The following AWAT2 variants were observed in gnomAD, a reference collection of about 807,000 sequenced individuals.
AWAT2 encodes the protein acyl-CoA wax alcohol acyltransferase 2, also known as 11-cis-RE-synthase.
AWAT2 carries 9 observed loss-of-function variants against 22.3 expected under a neutral mutation model. The ratio of observed to expected loss-of-function variants is 0.40; its 90% CI spans 0.24 to 0.70. The LOEUF is 0.70. Among genes scored for constraint, AWAT2 ranks in the 30% least tolerant of loss-of-function variants. AWAT2 has a pLI of 0.36. For missense variants in AWAT2, 217 were observed against 265.9 expected, an observed-to-expected ratio of 0.82 and a Z score of 1.28; for synonymous variants, 100 against 93.4, an observed-to-expected ratio of 1.07 and a Z score of -0.40.
chrX:70,048,773 T>G (rs2020380001), intron 1 of AWAT2, among the ~76,000 whole-genome samples: 1 of 111,850 alleles, frequency 8.9e-6, no homozygotes, highest in South Asian at 3.8e-4. Context: ...TTCCCTCCCA[T>G]GCTGTGGTAA....
intron 1 of AWAT2, among the ~76,000 whole-genome samples, chrX:70,048,023 C>A (rs969574551): frequency 9.3e-6 from 1 of 107,306 alleles, no homozygotes; most frequent in African/African-American, 3.4e-5. Context: ...GTGCCCCCAC[C>A]CCCCATCTTC....
chrX:70,044,548 C>T, intron 1 of AWAT2, 86 bp from the exon 2 acceptor site: 1 of 1,133,463 alleles, frequency 8.8e-7, no homozygotes. Flanking sequence ...ACCCCAAGGT[C>T]ACGTGCACTC....
Position 70,043,239 on chromosome X carries a change from G to C in AWAT2, c.477C>G (p.Ala159=). Residue 159 remains alanine (A), a synonymous_variant, in exon 5 of 8, where the codon GCC becomes GCG. Transcript: ENST00000276101. The part of the protein sequence containing the change: ...FLREYVMSTG[A]CSVSRSSIDF... ...CAATGGAGGATCGACTCACAGAGCA[G>C]GCCCCTGGTGGATAGAAAAAGCCAA... 1.7e-6 allele frequency: 2 copies of C among 1,199,651 alleles called. No individual in the cohort carries two copies. The highest frequency in any genetic ancestry group is 2.2e-6 in the Non-Finnish European group (2 of 889,509).
intron 1 of AWAT2, 78 bp from the exon 2 acceptor site, chrX:70,044,540 C>CCCAA (rs1177182907): frequency 1.7e-6 from 2 of 1,146,188 alleles, no homozygotes; most frequent in African/African-American, 3.6e-5. Context: ...TTCTGTCCAC[C>CCCAA]CCAAGGTCAC....
At position 70,043,143 on chromosome X, in the gene AWAT2, T is replaced by A. The variant is rs138729121; in HGVS notation, c.573A>T (p.Arg191Ser). 2 of 1,204,650 alleles carry A rather than the reference T, an allele frequency of 1.7e-6. No individual in the cohort carries two copies. The highest frequency in any genetic ancestry group is 2.2e-6 in the Non-Finnish European group (2 of 892,037). Residue 191 changes from arginine to serine, a missense_variant, in exon 5 of 8, where the codon AGA (arginine) becomes AGT (serine). Physicochemically the swap from Arg to Ser is moderately radical, Grantham distance 110. Coordinates refer to ENST00000276101, the MANE Select transcript of AWAT2 (RefSeq NM_001002254.1). ...GGGTAGAAGAACCTGGCAGGCTGTA[T>A]CTGCACTCAGCCAGTCCACCAATCA... Reference protein sequence around the residue: ...IVVIGGLAECRYSLPGSSTLV... With the variant: ...IVVIGGLAECSYSLPGSSTLV...
chrX:70,041,901 A>G lies in AWAT2; in HGVS notation c.909T>C (p.Tyr303=). 1 of 1,210,692 alleles carries G rather than the reference A, an allele frequency of 8.3e-7. No individual in the cohort carries two copies. Residue 303 remains tyrosine, a synonymous_variant, in exon 7 of 8, where the codon TAT becomes TAC. Transcript: ENST00000276101. Reference sequence around the variant, plus strand: ...GTAGGGCATCAATATAGAGTGTGTGATATTTAGCCACGATCTCCTGGCTTG... The same window carrying G: ...GTAGGGCATCAATATAGAGTGTGTGGTATTTAGCCACGATCTCCTGGCTTG... ...ENPSQEIVAK[Y]HTLYIDALRK... is the part of the protein sequence containing the mutation.
At position 70,043,987 on chromosome X, in the gene AWAT2, C is replaced by T. The variant is rs761429259; in HGVS notation, c.206G>A (p.Arg69Gln). 3.4e-6 allele frequency: 4 copies of T among 1,192,155 alleles called. No individual in the cohort carries two copies. The highest frequency in any genetic ancestry group is 2.3e-5 in the Admixed American group (1 of 43,804). ...GCGCCAGTGCCTCACACAGGTAAACCGGCGGCCGCCTGAAAACAGAGGCAA... is the reference window on the plus strand; with the variant it reads ...GCGCCAGTGCCTCACACAGGTAAACTGGCGGCCGCCTGAAAACAGAGGCAA... ...DWKTPQRGGRRFTCVRHWRLW... is the reference protein window; with the variant it reads ...DWKTPQRGGRQFTCVRHWRLW... The change falls in exon 3 of 8, where the codon CGG becomes CAG. Residue 69 changes from arginine (R) to glutamine (Q), a missense_variant. Arg to Gln is a conservative substitution (Grantham distance 43, BLOSUM62 1). Transcript: ENST00000276101.
In AWAT2 at chrX:70,041,918, C is replaced by T. The variant is rs1419059833; in HGVS notation, c.892G>A (p.Glu298Lys). Residue 298 changes from glutamate (E) to lysine (K), a missense_variant, in exon 7 of 8, where the codon GAG (glutamate) becomes AAG (lysine). Transcript: ENST00000276101. ...PMPKIENPSQ[E>K]IVAKYHTLYI... ...AGTGTGTGATATTTAGCCACGATCT[C>T]CTGGCTTGGATTCTCAATCTTGGGC... 4.1e-6 allele frequency: 5 copies of T among 1,209,585 alleles called. No individual in the cohort carries two copies. The Admixed American group carries it at 8.7e-5, about 21-fold the overall frequency.
intron 1 of AWAT2, 44 bp from the exon 2 acceptor site, chrX:70,044,506 C>T (rs2020350517): frequency 1.7e-6 from 2 of 1,190,211 alleles, no homozygotes; most frequent in South Asian, 1.9e-5. Context: ...CAAGCAGTCC[C>T]TCACACTTAC....
rs775088835 is a variant in AWAT2, at chrX:70,049,695, C to T, written c.85+153G>A. On this transcript the variant is annotated intron_variant, in intron 1 of 7. Transcript: ENST00000276101. ...CTCACAGATCCCACAAATACCATGG[C>T]CAGGTGGGTCAGGCCAGAGGCTGGT... is the stretch of plus-strand genomic sequence containing the variant. Among the ~76,000 whole-genome samples, 328 of 112,153 alleles carry T rather than the reference C, an allele frequency of 2.9e-3. 2 individuals are homozygous for T. The highest frequency in any genetic ancestry group is 0.01 in the African/African-American group (313 of 30,860).
At position 70,043,662 on chromosome X, in the gene AWAT2, G is replaced by A. The variant is rs61735682; in HGVS notation, c.288C>T (p.Ile96=). The A allele has an allele frequency of 1.2e-3, 1,478 of 1,205,763 alleles. 9 individuals carry two copies. The African/African-American group carries it at 0.023, about 18-fold the overall frequency. ...CGAGGATGTAGTTGCGGCTGGGGCA[G>A]ATGTCATGAGTCTTCAGAAGCTGCG... is the stretch of plus-strand genomic sequence containing the variant. ...FPLKLLKTHD[I]CPSRNYILVC... is the part of the protein sequence containing the mutation. The change falls in exon 4 of 8, where the codon ATC becomes ATT. Residue 96 remains isoleucine, a synonymous_variant. Coordinates refer to ENST00000276101, the MANE Select transcript of AWAT2 (RefSeq NM_001002254.1).
intron 4 of AWAT2, 81 bp downstream of exon 4, chrX:70,043,397 C>T: frequency 9.7e-7 from 1 of 1,032,254 alleles, no homozygotes; most frequent in Non-Finnish European, 1.3e-6. Flanking sequence ...TGGGAGCTGG[C>T]CTTGCTCTCA....
chrX:70,044,093 G>A, intron 2 of AWAT2, 97 bp from the exon 3 acceptor site: 1 of 992,709 alleles, frequency 1.0e-6, no homozygotes, highest in South Asian at 2.3e-5. Context: ...CCTCTTAAGT[G>A]GCAACCAAGG....
intron 1 of AWAT2, among the ~76,000 whole-genome samples, chrX:70,046,236 A>G (rs959939026): frequency 2.7e-5 from 3 of 111,796 alleles, no homozygotes; most frequent in Non-Finnish European, 5.6e-5. Context: ...GAAGCAATTA[A>G]CTACAATTCA....
At position 70,049,915 on chromosome X, in the gene AWAT2, C is replaced by T. The variant is rs1420584850; in HGVS notation, c.18G>A (p.Lys6=). The change falls in exon 1 of 8, where the codon AAG becomes AAA. Residue 6 remains lysine (K), a synonymous_variant. Coordinates refer to ENST00000276101, the MANE Select transcript of AWAT2 (RefSeq NM_001002254.1). MLLPS[K]KDLKTALDVF... is the part of the protein sequence containing the mutation. ...CATCCAGGGCAGTCTTGAGGTCCTT[C>T]TTAGAGGGCAAGAGCATTGTGCCCA... is the stretch of plus-strand genomic sequence containing the variant. The T allele has an allele frequency of 1.7e-6, 2 of 1,209,854 alleles. No homozygotes were observed. The highest frequency in any genetic ancestry group is 2.2e-6 in the Non-Finnish European group (2 of 895,144).
At chrX:70,047,518 T>C (rs772381344) in intron 1 of AWAT2, among the ~76,000 whole-genome samples, 2 of 112,073 alleles carry the variant, frequency 1.8e-5, no homozygotes, top group Non-Finnish European at 3.8e-5. Context: ...TGGCCTCAGG[T>C]GGGGTGCCCT....
At chrX:70,044,571 A>G (rs2020350945) in intron 1 of AWAT2, 109 bp from the exon 2 acceptor site, 1 of 1,071,928 alleles carries the variant, frequency 9.3e-7, no homozygotes, top group African/African-American at 1.8e-5. Flanking sequence ...TCTCACCCAT[A>G]CCCACTCAAC....
At chrX:70,042,910 G>T in intron 5 of AWAT2, 159 bp downstream of exon 5, 170 of 416,103 alleles carry the variant, frequency 4.1e-4, no homozygotes, top group Middle Eastern at 7.4e-4. Flanking sequence ...TTTTTTAATT[G>T]ACAAATAAAA....
At chrX:70,045,920 A>G (rs1357039753) in intron 1 of AWAT2, among the ~76,000 whole-genome samples, 2 of 111,350 alleles carry the variant, frequency 1.8e-5, no homozygotes, top group African/African-American at 3.3e-5. Context: ...ATTGAGCAAG[A>G]CACTAACTCT....
Sources: allele counts gnomAD v4.1 joint callset (sites outside exome capture counted in the v4.1 genomes callset), GRCh38; gene constraint gnomAD v4.1.1; transcripts MANE v1.5; gene names NCBI Gene and HGNC (gene_info 2026-07-23, HGNC 2026-07-21).